ARHGAP5: variants seen among roughly 807,000 people sequenced by gnomAD.
The protein encoded by ARHGAP5 is rho GTPase-activating protein 5.
In ARHGAP5, 23 loss-of-function variants were observed where a neutral mutation model predicts 116.6. The ratio of observed to expected loss-of-function variants is 0.20; its 90% CI spans 0.14 to 0.28. The LOEUF is 0.28. ARHGAP5 is among the 10% of genes least tolerant of loss of function. The pLI is 1.00. For missense variants in ARHGAP5, 1,405 were observed against 1,774.8 expected (o/e 0.79, Z 3.74); for synonymous variants, 574 against 602.0 (o/e 0.95, Z 0.68).
intron 3 of ARHGAP5, among the ~76,000 whole-genome samples, chr14:32,134,654 A>C (rs763688590): frequency 6.6e-6 from 1 of 152,220 alleles, no homozygotes; most frequent in African/African-American, 2.4e-5. Flanking sequence ...GTCTTGTATC[A>C]CACATACATA....
chr14:32,117,697 A>G (rs1477391673), intron 3 of ARHGAP5, among the ~76,000 whole-genome samples: 1 of 152,222 alleles, frequency 6.6e-6, no homozygotes, highest in Non-Finnish European at 1.5e-5. Context: ...TTACAGCAAT[A>G]GTTGTAAATG....
intron 3 of ARHGAP5, among the ~76,000 whole-genome samples, chr14:32,128,007 G>A (rs191959814): frequency 4.5e-4 from 68 of 150,290 alleles, no homozygotes; most frequent in African/African-American, 1.5e-3. Context: ...CCTCCCAGAC[G>A]GGGTGGCGGC....
rs751616817 is a variant in ARHGAP5 at position 32,091,583 on chromosome 14, A to T, written c.914A>T (p.Glu305Val). The change falls in exon 2 of 7, where the codon GAA (glutamate) becomes GTA (valine). Residue 305 changes from glutamate (E) to valine (V), a missense_variant. Glu to Val is a moderately radical substitution (Grantham distance 121). Around this residue, in one of 6 missense-constraint regions of ARHGAP5, gnomAD observed 944 missense variants for 1,095.3 expected, o/e 0.86. Coordinates refer to ENST00000345122, the MANE Select transcript of ARHGAP5 (RefSeq NM_001030055.2). The part of the protein sequence containing the change: ...NKLKNHPDYE[E>V]YINLEGTRKA... ...TTAAAAAATCATCCTGATTATGAAG[A>T]ATACATCAACTTAGAGGGAACAAGA... 4.3e-6 allele frequency: 7 copies of T among 1,612,654 alleles called. No homozygotes were observed. Among genetic ancestry groups the T allele is most frequent in the Non-Finnish European group, 5.9e-6 (7 of 1,179,372 alleles).
intron 2 of ARHGAP5, among the ~76,000 whole-genome samples, chr14:32,102,203 A>T (rs1360667004): frequency 6.6e-6 from 1 of 152,224 alleles, no homozygotes; most frequent in African/African-American, 2.4e-5. Flanking sequence ...ACATCCCCTT[A>T]GGGGAGAAAG....
At chr14:32,108,081 A>T (rs888480834) in intron 2 of ARHGAP5, among the ~76,000 whole-genome samples, 2 of 152,196 alleles carry the variant, frequency 1.3e-5, no homozygotes, top group Non-Finnish European at 2.9e-5. Flanking sequence ...TCAAGGATGA[A>T]GAAAAAAGTT....
At position 32,090,999 on chromosome 14, in the gene ARHGAP5, G is replaced by A. The variant is rs755575450; in HGVS notation, c.330G>A (p.Thr110=). ...DDQTFLPHRS[T]NLQPYIKRAA... ...AGACTTTCTTGCCTCATCGGAGTACGAATTTGCAACCATATATAAAACGTG... is the reference window on the plus strand; with the variant it reads ...AGACTTTCTTGCCTCATCGGAGTACAAATTTGCAACCATATATAAAACGTG... The change falls in exon 2 of 7, where the codon ACG becomes ACA. Residue 110 remains threonine (T), a synonymous_variant. Coordinates refer to ENST00000345122, the MANE Select transcript of ARHGAP5 (RefSeq NM_001030055.2). 36 of 1,613,496 alleles carry A rather than the reference G, an allele frequency of 2.2e-5. No homozygotes were observed. The highest frequency in any genetic ancestry group is 4.0e-5 in the African/African-American group (3 of 74,886).
At chr14:32,088,105 A>G (rs1159187283) in intron 1 of ARHGAP5, among the ~76,000 whole-genome samples, 2 of 152,036 alleles carry the variant, frequency 1.3e-5, no homozygotes, top group Non-Finnish European at 2.9e-5. Flanking sequence ...TGGAGAGCAG[A>G]AGTGAGTCTT....
chr14:32,154,660 C>T lies in ARHGAP5; in HGVS notation c.4221C>T (p.Asp1407=), dbSNP rs1382915657. ...ATAAAATCAACCTAATGACAGCAGA[C>T]AACTTATCCATCTGTTTTTGGCCAA... ...QQHKINLMTA[D]NLSICFWPTL... The change falls in exon 7 of 7, where the codon GAC becomes GAT. Residue 1407 remains aspartate (D), a synonymous_variant. Transcript: ENST00000345122. The T allele has an allele frequency of 6.2e-7, 1 of 1,613,712 alleles. No individual in the cohort carries two copies. The highest frequency in any genetic ancestry group is 1.7e-5 in the Admixed American group (1 of 59,982).
chr14:32,149,871 A>G (rs1235715717), intron 4 of ARHGAP5, 31 bp from the exon 5 acceptor site: 3 of 1,301,682 alleles, frequency 2.3e-6, no homozygotes, highest in Non-Finnish European at 3.1e-6. Context: ...GTTTTATTAT[A>G]TAATTTAAAA....
At chr14:32,113,236 C>T (rs1320265095) in intron 2 of ARHGAP5, among the ~76,000 whole-genome samples, 1 of 152,154 alleles carries the variant, frequency 6.6e-6, no homozygotes, top group African/African-American at 2.4e-5. Context: ...AGAACTATCA[C>T]TTACAGAAAA....
chr14:32,128,660 A>C (rs887228820), intron 3 of ARHGAP5, among the ~76,000 whole-genome samples: 5 of 152,216 alleles, frequency 3.3e-5, no homozygotes, highest in African/African-American at 1.2e-4. Flanking sequence ...CGGCTGCTCC[A>C]TCCCGCTGCC....
chr14:32,096,083 T>C (rs184555246), intron 2 of ARHGAP5, among the ~76,000 whole-genome samples: 9 of 152,184 alleles, frequency 5.9e-5, no homozygotes, highest in Admixed American at 5.2e-4. Context: ...TTGCCCCACT[T>C]GATGGAGCTG....
chr14:32,133,990 G>A (rs1049436814), intron 3 of ARHGAP5, among the ~76,000 whole-genome samples: 8 of 152,080 alleles, frequency 5.3e-5, no homozygotes, highest in East Asian at 1.9e-4. Context: ...GCTTCATCCC[G>A]ATACCAAAGC....
Position 32,149,979 on chromosome 14 carries a change from C to T in ARHGAP5, c.4021C>T (p.Leu1341=). ...AGCCCTTAAAGCTTTCTTTGCAGAT[C>T]TGCCAGATCCTTTAATTCCATATTC... ...AGALKAFFAD[L]PDPLIPYSLH... The change falls in exon 5 of 7, where the codon CTG becomes TTG. Residue 1341 remains leucine, a synonymous_variant. Transcript: ENST00000345122. 1 of 1,608,926 alleles carries T rather than the reference C, an allele frequency of 6.2e-7. No individual in the cohort carries two copies. Among genetic ancestry groups the T allele is most frequent in the Non-Finnish European group, 8.5e-7 (1 of 1,177,446 alleles).
At chr14:32,100,576 A>G (rs1028752384) in intron 2 of ARHGAP5, among the ~76,000 whole-genome samples, 1 of 152,198 alleles carries the variant, frequency 6.6e-6, no homozygotes, top group African/African-American at 2.4e-5. Context: ...TAAGTAATGT[A>G]GAGATGATTT....
At chr14:32,154,419 G>C (rs531318872) in intron 6 of ARHGAP5, 1 of 518,370 alleles carries the variant, frequency 1.9e-6, no homozygotes, top group South Asian at 2.4e-5. Flanking sequence ...AAAGTGCTGC[G>C]ATTACAGGCG....
intron 3 of ARHGAP5, among the ~76,000 whole-genome samples, chr14:32,126,940 T>C (rs1880184885): frequency 1.3e-5 from 2 of 151,664 alleles, no homozygotes; most frequent in South Asian, 4.2e-4. Flanking sequence ...GTTAAGGTGG[T>C]AAATTTTATG....
intron 1 of ARHGAP5, 75 bp downstream of exon 1, chr14:32,077,510 C>A: frequency 1.5e-6 from 1 of 654,398 alleles, no homozygotes; most frequent in Non-Finnish European, 2.8e-6. Context: ...CGGCTAGCTG[C>A]CCCGCTCGGT....
intron 1 of ARHGAP5, among the ~76,000 whole-genome samples, chr14:32,082,175 C>T (rs955587299): frequency 5.9e-5 from 9 of 152,144 alleles, no homozygotes; most frequent in African/African-American, 2.2e-4. Context: ...GTTACCAGAC[C>T]GGGGTTGGGG....
Sources: allele counts gnomAD v4.1 joint callset (sites outside exome capture counted in the v4.1 genomes callset), GRCh38; gene constraint gnomAD v4.1.1; regional missense constraint gnomAD v4.1.1; transcripts MANE v1.5; gene names NCBI Gene and HGNC (gene_info 2026-07-23, HGNC 2026-07-21).